The following SORCS1 variants were observed in gnomAD, a reference collection of about 807,000 sequenced individuals.
The protein encoded by SORCS1 is VPS10 domain-containing receptor SorCS1.
A neutral mutation model predicts 146.1 loss-of-function variants in SORCS1; 60 were observed. The observed-to-expected ratio is 0.41, with a 90% CI of 0.33 to 0.51. The LOEUF (loss-of-function observed/expected upper bound fraction) is 0.51. Among genes scored for constraint, SORCS1 ranks in the 20% least tolerant of loss-of-function variants. SORCS1 has a pLI of 0.21. For missense variants in SORCS1, 1,352 were observed against 1,487.6 expected (o/e 0.91, Z 1.50); for synonymous variants, 637 against 584.0 (o/e 1.09, Z -1.31).
Position 106,639,302 on chromosome 10 carries a change from C to T in SORCS1, c.2476-9914G>A, listed in dbSNP as rs796941065. 3.3e-5 allele frequency among the ~76,000 whole-genome samples: 5 copies of T among 152,166 alleles called. No homozygotes were observed. The South Asian group carries it at 6.2e-4, about 19-fold the overall frequency. Reference sequence around the variant, plus strand: ...ATTGTTAGGGCCTCAAGTAGGCAGACTAGGAGATTGAAAATCCAAACTGAA... The same window carrying T: ...ATTGTTAGGGCCTCAAGTAGGCAGATTAGGAGATTGAAAATCCAAACTGAA... On this transcript the variant is annotated intron_variant, in intron 18 of 25. Transcript: ENST00000263054.
intron 2 of SORCS1, among the ~76,000 whole-genome samples, chr10:106,871,679 G>A (rs1950410899): frequency 6.6e-6 from 1 of 152,136 alleles, no homozygotes; most frequent in Admixed American, 6.5e-5. Flanking sequence ...TTCATAAGTG[G>A]GAGCTAAATG....
At chr10:106,596,680 T>C (rs563907191) in intron 24 of SORCS1, among the ~76,000 whole-genome samples, 2 of 152,156 alleles carry the variant, frequency 1.3e-5, no homozygotes, top group Non-Finnish European at 2.9e-5. Context: ...CGTTACATTA[T>C]CCTGAAACGT....
chr10:106,967,134 C>T (rs1166979216), intron 1 of SORCS1, among the ~76,000 whole-genome samples: 2 of 150,304 alleles, frequency 1.3e-5, no homozygotes, highest in African/African-American at 2.4e-5. Flanking sequence ...AAAATGCACT[C>T]CCTCCAAAAT....
intron 1 of SORCS1, among the ~76,000 whole-genome samples, chr10:107,010,730 C>T (rs558217665): frequency 3.3e-5 from 5 of 152,182 alleles, no homozygotes; most frequent in African/African-American, 4.8e-5. Flanking sequence ...AATAAGTTGG[C>T]GGTCCCCTTC....
chr10:107,127,224 T>C (rs1966762674), intron 1 of SORCS1, among the ~76,000 whole-genome samples: 1 of 152,176 alleles, frequency 6.6e-6, no homozygotes, highest in South Asian at 2.1e-4. Flanking sequence ...AACTAACTGA[T>C]TCAGGATTCT....
At chr10:106,844,089 G>T (rs969999509) in intron 2 of SORCS1, among the ~76,000 whole-genome samples, 1 of 152,216 alleles carries the variant, frequency 6.6e-6, no homozygotes, top group African/African-American at 2.4e-5. Flanking sequence ...CCTAATAGTT[G>T]TAAGGTGATA....
At chr10:106,882,667 TCACACA>T (rs1589623331) in intron 2 of SORCS1, among the ~76,000 whole-genome samples, 1 of 151,750 alleles carries the variant, frequency 6.6e-6, no homozygotes, top group Non-Finnish European at 1.5e-5. Flanking sequence ...ACACTCACAC[TCACACA>T]CACACATACA....
At chr10:106,715,580 CA>C (rs1855305570) in intron 6 of SORCS1, among the ~76,000 whole-genome samples, 1 of 152,194 alleles carries the variant, frequency 6.6e-6, no homozygotes, top group Non-Finnish European at 1.5e-5. Context: ...GAAGTTATGA[CA>C]TTTGATGACC....
chr10:107,069,069 A>G (rs1282478507), intron 1 of SORCS1, among the ~76,000 whole-genome samples: 4 of 152,004 alleles, frequency 2.6e-5, no homozygotes, highest in Admixed American at 2.6e-4. Context: ...CACCTTTCTG[A>G]CTATAAACTG....
At chr10:106,799,734 C>T (rs958326524) in intron 3 of SORCS1, among the ~76,000 whole-genome samples, 3 of 152,104 alleles carry the variant, frequency 2.0e-5, no homozygotes, top group African/African-American at 4.8e-5. Flanking sequence ...GGAAACAACA[C>T]GTGCTGGAGA....
intron 5 of SORCS1, among the ~76,000 whole-genome samples, chr10:106,752,740 G>C (rs1858351645): frequency 6.6e-6 from 1 of 152,118 alleles, no homozygotes; most frequent in Non-Finnish European, 1.5e-5. Context: ...TTGGGGTGTT[G>C]GTGGTGGAGC....
intron 1 of SORCS1, among the ~76,000 whole-genome samples, chr10:106,976,074 A>G (rs1417013921): frequency 4.9e-5 from 7 of 143,624 alleles, no homozygotes; most frequent in Non-Finnish European, 7.5e-5. Flanking sequence ...TGAACCCGGG[A>G]GGCAGAGGTT....
intron 2 of SORCS1, among the ~76,000 whole-genome samples, chr10:106,863,636 C>A: frequency 6.7e-6 from 1 of 148,458 alleles, no homozygotes. Context: ...ATCTCTATTC[C>A]TCCAGTCTGC....
chr10:106,734,288 CCTT>C (rs1326565924), intron 5 of SORCS1, among the ~76,000 whole-genome samples: 1 of 152,138 alleles, frequency 6.6e-6, no homozygotes, highest in Non-Finnish European at 1.5e-5. Context: ...CTCCTCTCAT[CCTT>C]CTTCTGCCTT....
chr10:107,054,987 CAG>C (rs1193457544), intron 1 of SORCS1, among the ~76,000 whole-genome samples: 2 of 152,138 alleles, frequency 1.3e-5, no homozygotes, highest in Non-Finnish European at 2.9e-5. Flanking sequence ...ATCAGATAGT[CAG>C]AGACACAGAC....
chr10:106,774,453 G>T (rs1442694976), intron 4 of SORCS1, among the ~76,000 whole-genome samples: 1 of 152,078 alleles, frequency 6.6e-6, no homozygotes, highest in African/African-American at 2.4e-5. Flanking sequence ...GTGTGTGTGT[G>T]TGTGTAAATT....
In SORCS1 at chr10:106,683,764, TC is replaced by T. The variant is rs1852614412; in HGVS notation, c.1561-4031del. Among the ~76,000 whole-genome samples, 18 of 152,238 alleles carry T rather than the reference TC, an allele frequency of 1.2e-4. 1 individual carries two copies. The South Asian group carries it at 3.7e-3, about 32-fold the overall frequency. ...GTAAAGAACAAGCTCCCAAATAGTA[TC>T]CCCAACACTCTCCCTCCCGAAATAC... is the stretch of plus-strand genomic sequence containing the variant. On this transcript the variant is annotated intron_variant, in intron 10 of 25. Transcript: ENST00000263054.
At chr10:107,073,574 G>A (rs1962623162) in intron 1 of SORCS1, among the ~76,000 whole-genome samples, 1 of 152,136 alleles carries the variant, frequency 6.6e-6, no homozygotes, top group African/African-American at 2.4e-5. Flanking sequence ...ATCGCTAAAT[G>A]CTCACAACAA....
intron 2 of SORCS1, among the ~76,000 whole-genome samples, chr10:106,845,064 C>T (rs1949261056): frequency 8.5e-6 from 1 of 117,454 alleles, no homozygotes; most frequent in Admixed American, 8.7e-5. Flanking sequence ...GTCTTTATAG[C>T]AGCATGATTT....
Sources: gnomAD v4.1 joint callset for allele counts (sites outside exome capture counted in the v4.1 genomes callset) on GRCh38, gnomAD v4.1.1 for gene constraint, MANE v1.5 for transcripts, NCBI Gene and HGNC (gene_info 2026-07-23, HGNC 2026-07-21) for gene names.